CNTN4: variants seen among roughly 807,000 people sequenced by gnomAD.
The protein encoded by CNTN4 is contactin 4, also known as contactin-4.
A neutral mutation model predicts 122.5 loss-of-function variants in CNTN4; 77 were observed. That is an observed-to-expected ratio of 0.63 (90% confidence interval 0.52 to 0.76). The LOEUF (loss-of-function observed/expected upper bound fraction) is 0.76, where lower values mean the gene tolerates loss of function less well. CNTN4 is among the 30% of genes least tolerant of loss of function. CNTN4 has a pLI of 0.00. For missense variants in CNTN4, 1,256 were observed against 1,259.1 expected, an observed-to-expected ratio of 1.00 and a Z score of 0.04; for synonymous variants, 512 against 447.0, an observed-to-expected ratio of 1.15 and a Z score of -1.83.
At chr3:2,787,602 C>A (rs1044539455) in intron 6 of CNTN4, among the ~76,000 whole-genome samples, 2 of 152,058 alleles carry the variant, frequency 1.3e-5, no homozygotes, top group African/African-American at 2.4e-5. Flanking sequence ...GAATTGGATT[C>A]CCTGAATTCA....
chr3:2,214,542 G>C (rs994597806), intron 2 of CNTN4, among the ~76,000 whole-genome samples: 2 of 152,096 alleles, frequency 1.3e-5, no homozygotes, highest in African/African-American at 4.8e-5. Context: ...CAGTTTCTCA[G>C]ATTGAAGGAG....
chr3:2,231,060 C>T (rs1359948504), intron 2 of CNTN4, among the ~76,000 whole-genome samples: 1 of 151,958 alleles, frequency 6.6e-6, no homozygotes, highest in East Asian at 1.9e-4. Flanking sequence ...GGTATTCACA[C>T]CAAAAAGTAA....
intron 14 of CNTN4, among the ~76,000 whole-genome samples, chr3:2,996,512 C>A (rs4685590): frequency 0.3 from 46,071 of 151,956 alleles, 8,998 homozygotes; most frequent in African/African-American, 0.56. Flanking sequence ...TTAATGAATT[C>A]TTTTGTAATG....
Position 2,102,891 on chromosome 3 carries a change from T to C in CNTN4, c.-145+2252T>C, listed in dbSNP as rs567244440. Among the ~76,000 whole-genome samples, 140 of 152,198 alleles carry C rather than the reference T, an allele frequency of 9.2e-4. 2 individuals carry two copies. The highest frequency in any genetic ancestry group is 3.2e-3 in the African/African-American group (132 of 41,518). ...TGATATTTCTTCCATGTTCAATAAC[T>C]GTTACTTCCTTTTCTTCTCCTAACC... On this transcript the variant is annotated intron_variant, in intron 2 of 24. Transcript: ENST00000418658.
At chr3:2,906,737 G>A (rs948887481) in intron 12 of CNTN4, among the ~76,000 whole-genome samples, 21 of 151,584 alleles carry the variant, frequency 1.4e-4, no homozygotes, top group African/African-American at 1.9e-4. Flanking sequence ...CCAGCTACTC[G>A]GGAGGCTGAG....
At chr3:2,785,261 T>C (rs1046257041) in intron 6 of CNTN4, among the ~76,000 whole-genome samples, 4 of 152,156 alleles carry the variant, frequency 2.6e-5, no homozygotes, top group South Asian at 2.1e-4. Flanking sequence ...GCTGGTGTTA[T>C]AATTCCAGTC....
At chr3:2,933,533 C>T (rs962365959) in intron 13 of CNTN4, among the ~76,000 whole-genome samples, 8 of 152,080 alleles carry the variant, frequency 5.3e-5, no homozygotes, top group Non-Finnish European at 8.8e-5. Flanking sequence ...GACTCAGTTC[C>T]CAAGCTTAAC....
chr3:2,822,445 C>G (rs1364596570), intron 7 of CNTN4, among the ~76,000 whole-genome samples: 1 of 152,028 alleles, frequency 6.6e-6, no homozygotes, highest in Non-Finnish European at 1.5e-5. Context: ...GAAGGCCTGT[C>G]CTTTATATGA....
Position 2,920,944 on chromosome 3 carries a change from AGAAG to A in CNTN4, c.1208-4683_1208-4680del, listed in dbSNP as rs2094423389. On this transcript the variant is annotated intron_variant, in intron 12 of 24. Coordinates refer to ENST00000418658, the MANE Select transcript of CNTN4 (RefSeq NM_175607.3). ...TAGAAGGATGGATATTAGGAACACT[AGAAG>A]GGGCACATCATGCTAACATCAAAAT... 2.0e-5 allele frequency among the ~76,000 whole-genome samples: 3 copies of A among 152,348 alleles called. No homozygotes were observed. In the East Asian group the frequency reaches 5.8e-4, roughly 29 times the overall value.
At position 2,468,638 on chromosome 3, in the gene CNTN4, C is replaced by A. The variant is rs190513588; in HGVS notation, c.-88-102778C>A. 4.3e-4 allele frequency among the ~76,000 whole-genome samples: 66 copies of A among 152,222 alleles called. 2 individuals are homozygous for A. The East Asian group carries it at 0.013, about 29-fold the overall frequency. ...ACTATTACAGTTTTTAATTGGAGGC[C>A]TGTAGATTAGGTAGTTCTAGGACTA... On this transcript the variant is annotated intron_variant, in intron 3 of 24. Coordinates refer to ENST00000418658, the MANE Select transcript of CNTN4 (RefSeq NM_175607.3).
chr3:2,959,551 T>C (rs1395214061), intron 13 of CNTN4, among the ~76,000 whole-genome samples: 2 of 152,126 alleles, frequency 1.3e-5, no homozygotes, highest in African/African-American at 4.8e-5. Context: ...GTATATACCA[T>C]CTAATTATTA....
chr3:2,250,118 A>G (rs2040317098), intron 2 of CNTN4, among the ~76,000 whole-genome samples: 1 of 152,012 alleles, frequency 6.6e-6, no homozygotes, highest in Non-Finnish European at 1.5e-5. Flanking sequence ...ATAACATTTC[A>G]TATAATTGCC....
intron 8 of CNTN4, among the ~76,000 whole-genome samples, chr3:2,873,785 C>T (rs1417653332): frequency 6.6e-6 from 1 of 152,178 alleles, no homozygotes; most frequent in Non-Finnish European, 1.5e-5. Context: ...GAGACGTGAT[C>T]TACAACCCTT....
chr3:2,352,647 G>A (rs565546762), intron 3 of CNTN4, among the ~76,000 whole-genome samples: 59 of 152,296 alleles, frequency 3.9e-4, no homozygotes, highest in Admixed American at 1.2e-3. Context: ...CTCAGGACCT[G>A]CAGCCCGCCA....
In CNTN4 at chr3:2,377,630, G is replaced by A. The variant is rs1003647631; in HGVS notation, c.-89+38397G>A. Among the ~76,000 whole-genome samples the A allele has an allele frequency of 6.6e-5, 10 of 152,198 alleles. No homozygotes were observed. The South Asian group carries it at 1.4e-3, about 22-fold the overall frequency. On this transcript the variant is annotated intron_variant, in intron 3 of 24. Transcript: ENST00000418658. ...CTGAAGCTGAGACAGTAAAACTGAA[G>A]ATACCCGGAATATTTATAACATATG...
chr3:2,444,208 T>TAAAAA (rs36104812), intron 3 of CNTN4, among the ~76,000 whole-genome samples: 1 of 136,346 alleles, frequency 7.3e-6, no homozygotes, highest in South Asian at 2.3e-4. Context: ...TGTATTCTAG[T>TAAAAA]AAAAAAAAAA....
intron 4 of CNTN4, among the ~76,000 whole-genome samples, chr3:2,704,564 T>G (rs927344096): frequency 2.0e-5 from 3 of 152,184 alleles, no homozygotes; most frequent in Non-Finnish European, 4.4e-5. Context: ...CATCCTTTTC[T>G]GGAAGAACTT....
Position 2,805,878 on chromosome 3 carries a change from A to T in CNTN4, c.359-13608A>T, listed in dbSNP as rs539875416. 2.6e-5 allele frequency among the ~76,000 whole-genome samples: 4 copies of T among 152,214 alleles called. No individual in the cohort carries two copies. The South Asian group carries it at 8.3e-4, about 32-fold the overall frequency. On this transcript the variant is annotated intron_variant, in intron 6 of 24. Transcript: ENST00000418658. ...AGTACAGACTGTTTTTTCTACTCTC[A>T]TAACACTTTTTGTTTTGTTTTGTTT...
intron 3 of CNTN4, among the ~76,000 whole-genome samples, chr3:2,521,343 T>TCGGCCCCCCCCCCCCCCCCCCCCCCC (rs781282977): frequency 7.8e-6 from 1 of 128,304 alleles, no homozygotes; most frequent in Non-Finnish European, 1.6e-5. Flanking sequence ...CCTCTACCCA[T>TCGGCCCCCCCCCCCCCCCCCCCCCCC]CCCCCCCACC....
Sources: allele counts gnomAD v4.1 joint callset (sites outside exome capture counted in the v4.1 genomes callset), GRCh38; gene constraint gnomAD v4.1.1; transcripts MANE v1.5; gene names NCBI Gene and HGNC (gene_info 2026-07-23, HGNC 2026-07-21).